Variants in TBC1D14 observed in about 807,000 individuals in gnomAD.
The protein encoded by TBC1D14 is TBC1 domain family member 14, also known as TBC1 domain family, member 14.
Under a neutral mutation model 79.0 loss-of-function variants are expected in TBC1D14, and 26 were observed. The ratio of observed to expected loss-of-function variants is 0.33; its 90% CI spans 0.24 to 0.46. TBC1D14 has a LOEUF of 0.46. Ranked by LOEUF, TBC1D14 falls within the 20% of genes least tolerant of loss-of-function variation. The pLI, the probability that TBC1D14 is intolerant of heterozygous loss-of-function variation, is 1.00. For missense variants in TBC1D14, 769 were observed against 887.6 expected, an observed-to-expected ratio of 0.87 and a Z score of 1.70; for synonymous variants, 394 against 349.9, an observed-to-expected ratio of 1.13 and a Z score of -1.40.
intron 2 of TBC1D14, among the ~76,000 whole-genome samples, chr4:6,965,528 G>C (rs913111875): frequency 6.6e-6 from 1 of 152,142 alleles, no homozygotes; most frequent in African/African-American, 2.4e-5. Context: ...CATCAGATCA[G>C]ATGTCCTGTG....
At chr4:6,919,925 T>C (rs568620969) in intron 1 of TBC1D14, among the ~76,000 whole-genome samples, 10 of 152,314 alleles carry the variant, frequency 6.6e-5, no homozygotes, top group African/African-American at 2.2e-4. Context: ...GGCCTATTTA[T>C]TTATTTTGAA....
At chr4:7,017,036 C>T (rs955633634) in intron 12 of TBC1D14, among the ~76,000 whole-genome samples, 1 of 152,206 alleles carries the variant, frequency 6.6e-6, no homozygotes, top group African/African-American at 2.4e-5. Flanking sequence ...TGCACTAGCT[C>T]ACGCCTGTAA....
intron 5 of TBC1D14, among the ~76,000 whole-genome samples, chr4:6,998,425 G>T (rs555559713): frequency 1.3e-5 from 2 of 152,114 alleles, no homozygotes; most frequent in Non-Finnish European, 2.9e-5. Context: ...TTTGGAAGGG[G>T]ATAGGGCTGG....
chr4:6,940,019 G>C (rs559106309), intron 2 of TBC1D14, among the ~76,000 whole-genome samples: 1 of 152,224 alleles, frequency 6.6e-6, no homozygotes, highest in African/African-American at 2.4e-5. Flanking sequence ...GGCACCTCAC[G>C]CATGCTCAGC....
intron 3 of TBC1D14, among the ~76,000 whole-genome samples, chr4:6,992,304 C>T (rs1718579635): frequency 6.6e-6 from 1 of 152,196 alleles, no homozygotes; most frequent in Non-Finnish European, 1.5e-5. Context: ...CGGGCTTTCC[C>T]CTCTAAAACT....
At chr4:6,986,914 C>A (rs1295352916) in intron 3 of TBC1D14, among the ~76,000 whole-genome samples, 2 of 152,248 alleles carry the variant, frequency 1.3e-5, no homozygotes, top group East Asian at 3.8e-4. Context: ...CTCACAATCA[C>A]CCCGCCACCC....
Position 7,030,411 on chromosome 4 carries a change from C to A in TBC1D14, c.*19C>A. 1 of 1,613,484 alleles carries A rather than the reference C, an allele frequency of 6.2e-7. No individual in the cohort carries two copies. Among genetic ancestry groups the A allele is most frequent in the Non-Finnish European group, 8.5e-7 (1 of 1,179,536 alleles). ...ACACTGAGGCTGCAGCGGGAATTCG[C>A]ACTCGGCACCAATCAGAGCCCCATG... On this transcript the variant is annotated 3_prime_UTR_variant, in exon 14 of 14. Coordinates refer to ENST00000409757, the MANE Select transcript of TBC1D14 (RefSeq NM_020773.3).
chr4:7,001,636 G>A (rs568059447), intron 7 of TBC1D14, among the ~76,000 whole-genome samples: 177 of 152,320 alleles, frequency 1.2e-3, no homozygotes, highest in African/African-American at 3.8e-3. Context: ...TATTTTGTGG[G>A]ATTTTTTTTC....
At chr4:6,967,164 T>C in intron 2 of TBC1D14, 140 bp from the exon 3 acceptor site, 1 of 1,149,410 alleles carries the variant, frequency 8.7e-7, no homozygotes, top group Non-Finnish European at 1.2e-6. Flanking sequence ...ATTCTGTGTC[T>C]GTATGAAAAT....
chr4:6,973,423 G>A (rs1716392706), intron 3 of TBC1D14, among the ~76,000 whole-genome samples: 2 of 152,098 alleles, frequency 1.3e-5, no homozygotes, highest in South Asian at 2.1e-4. Flanking sequence ...TATCCCTTAC[G>A]CCTTTGCAAA....
At chr4:6,987,266 C>T (rs1717954028) in intron 3 of TBC1D14, 9 of 1,303,078 alleles carry the variant, frequency 6.9e-6, no homozygotes, top group East Asian at 3.2e-5. Flanking sequence ...CGCCCGCGGT[C>T]CGGGAGGGAG....
chr4:6,967,553 C>T, intron 3 of TBC1D14, 129 bp downstream of exon 3: 1 of 1,223,248 alleles, frequency 8.2e-7, no homozygotes, highest in Non-Finnish European at 1.1e-6. Flanking sequence ...TACCACGTTC[C>T]TCAGATTTAA....
chr4:7,018,762 C>T (rs556684587), intron 12 of TBC1D14, among the ~76,000 whole-genome samples: 7 of 152,306 alleles, frequency 4.6e-5, no homozygotes, highest in Admixed American at 2.0e-4. Context: ...CAGCTGTCTC[C>T]GTCTTCCTAC....
At chr4:7,009,724 A>G (rs527721593) in intron 9 of TBC1D14, among the ~76,000 whole-genome samples, 153 bp from the exon 10 acceptor site, 1 of 152,376 alleles carries the variant, frequency 6.6e-6, no homozygotes, top group South Asian at 2.1e-4. Flanking sequence ...GTTAAATTCC[A>G]TATGCATATA....
intron 2 of TBC1D14, among the ~76,000 whole-genome samples, chr4:6,956,591 C>A (rs983262475): frequency 6.6e-6 from 1 of 152,204 alleles, no homozygotes; most frequent in Non-Finnish European, 1.5e-5. Context: ...GTGGCATGAT[C>A]TCTAATTGCA....
At chr4:7,029,153 A>G (rs1223814494) in intron 13 of TBC1D14, among the ~76,000 whole-genome samples, 1 of 152,174 alleles carries the variant, frequency 6.6e-6, no homozygotes, top group East Asian at 1.9e-4. Context: ...AGCTTTTTCA[A>G]AATGACTAAA....
intron 12 of TBC1D14, 137 bp downstream of exon 12, chr4:7,014,694 C>T: frequency 1.6e-6 from 1 of 634,846 alleles, no homozygotes; most frequent in Non-Finnish European, 2.8e-6. Flanking sequence ...TGGCCCTGCC[C>T]TTGAGTTTTA....
At chr4:6,968,071 G>C (rs1264602147) in intron 3 of TBC1D14, among the ~76,000 whole-genome samples, 1 of 152,198 alleles carries the variant, frequency 6.6e-6, no homozygotes, top group Non-Finnish European at 1.5e-5. Flanking sequence ...CTTAGGCTGT[G>C]GGTCTCAGCC....
At chr4:6,989,972 A>G (rs1718321197) in intron 3 of TBC1D14, among the ~76,000 whole-genome samples, 2 of 152,184 alleles carry the variant, frequency 1.3e-5, no homozygotes, top group Admixed American at 1.3e-4. Flanking sequence ...CAGCCTGCAA[A>G]CTTTTTTGAA....
Sources: allele counts gnomAD v4.1 joint callset (sites outside exome capture counted in the v4.1 genomes callset), GRCh38; gene constraint gnomAD v4.1.1; transcripts MANE v1.5; gene names NCBI Gene and HGNC (gene_info 2026-07-23, HGNC 2026-07-21).